Variants in KCNQ1 observed in about 807,000 individuals in gnomAD.
KCNQ1 encodes potassium voltage-gated channel subfamily KQT member 1.
Under a neutral mutation model 72.4 loss-of-function variants are expected in KCNQ1, and 49 were observed. The observed-to-expected ratio is 0.68, with a 90% CI of 0.54 to 0.86. The LOEUF (loss-of-function observed/expected upper bound fraction) is 0.86, where lower values mean the gene tolerates loss of function less well. Among genes scored for constraint, KCNQ1 ranks in the 40% least tolerant of loss-of-function variants. KCNQ1 has a pLI of 0.00. For synonymous variants in KCNQ1, 450 were observed against 412.6 expected (o/e 1.09, Z -1.10); for missense variants, 790 against 945.1 (o/e 0.84, Z 2.15).
In KCNQ1 at chr11:2,678,252, G is replaced by A; in HGVS notation, c.1514+16171G>A. 1 of 398,274 alleles carries A rather than the reference G, an allele frequency of 2.5e-6. No individual in the cohort carries two copies. The allele number at this position is 398,274 out of a possible 1,614,324, so 24.7% of individuals were successfully genotyped here. A position where few individuals can be genotyped will look rare whatever the true frequency, so the allele number is the denominator to read the frequency against. Reference sequence around the variant, plus strand: ...GTTTGAGGTCCTTATCTTAAATTCTGAAATAACCTCTCATCCTGAAATTGT... The same window carrying A: ...GTTTGAGGTCCTTATCTTAAATTCTAAAATAACCTCTCATCCTGAAATTGT... On this transcript the variant is annotated intron_variant, in intron 11 of 15. Coordinates refer to ENST00000155840, the MANE Select transcript of KCNQ1 (RefSeq NM_000218.3). This position sits in a 1 kb window ranked among gnomAD's most constrained non-coding sequence, Gnocchi z 4.9.
rs1232189045 is a variant in KCNQ1, at chr11:2,626,496, CAT to C, written c.1394-35463_1394-35462del. 10 of 398,456 alleles carry C rather than the reference CAT, an allele frequency of 2.5e-5. No individual in the cohort carries two copies. Among genetic ancestry groups the C allele is most frequent in the Admixed American group, 4.4e-5 (1 of 22,696 alleles). 24.7% of individuals were successfully genotyped at this position (398,456 alleles called of 1,614,324 possible). A position where few individuals can be genotyped will look rare whatever the true frequency, so the allele number is the denominator to read the frequency against. ...TCTCTACATCTTTATGTCAATACCACATAGTTTTGATTACTGTAGCTTCGTAA... is the reference window on the plus strand; with the variant it reads ...TCTCTACATCTTTATGTCAATACCACAGTTTTGATTACTGTAGCTTCGTAA... On this transcript the variant is annotated intron_variant, in intron 10 of 15. Coordinates refer to ENST00000155840, the MANE Select transcript of KCNQ1 (RefSeq NM_000218.3). The surrounding 1 kb of genome is among the most constrained non-coding windows in gnomAD (Gnocchi z 4.0).
In KCNQ1 at chr11:2,600,541, C is replaced by T. The variant is rs1387191640; in HGVS notation, c.1393+11687C>T. Among the ~76,000 whole-genome samples the T allele has an allele frequency of 6.6e-6, 1 of 152,206 alleles. No homozygotes were observed. Among genetic ancestry groups the T allele is most frequent in the African/African-American group, 2.4e-5 (1 of 41,446 alleles). On this transcript the variant is annotated intron_variant, in intron 10 of 15. Coordinates refer to ENST00000155840, the MANE Select transcript of KCNQ1 (RefSeq NM_000218.3). The surrounding 1 kb of genome is among the most constrained non-coding windows in gnomAD (Gnocchi z 5.6). ...TACTCCACAGCTCTTTGCCCCTAAACATTTTGCTGTGTATTTCTGAAAAAT... is the reference window on the plus strand; with the variant it reads ...TACTCCACAGCTCTTTGCCCCTAAATATTTTGCTGTGTATTTCTGAAAAAT...
intron 2 of KCNQ1, among the ~76,000 whole-genome samples, chr11:2,570,009 C>T (rs570245264): frequency 1.6e-4 from 24 of 152,326 alleles, no homozygotes; most frequent in Admixed American, 6.5e-5. Flanking sequence ...CTGCCCCTAC[C>T]GCAGGTACAC....
Position 2,848,222 on chromosome 11 carries a change from G to T in KCNQ1, c.*219G>T, listed in dbSNP as rs45477500. 1 of 662,400 alleles carries T rather than the reference G, an allele frequency of 1.5e-6. No homozygotes were observed. Among genetic ancestry groups the T allele is most frequent in the Non-Finnish European group, 2.7e-6 (1 of 365,784 alleles). 41.0% of individuals were successfully genotyped at this position (662,400 alleles called of 1,614,324 possible). ...TGGCCGGTGTGGGGGCCCCGTCTCA[G>T]GTCTGAGTTGTTACCCCAAGCGCCC... On this transcript the variant is annotated 3_prime_UTR_variant, in exon 16 of 16. Transcript: ENST00000155840.
In KCNQ1 at chr11:2,725,284, G is replaced by A. The variant is rs931114307; in HGVS notation, c.1515-43560G>A. On this transcript the variant is annotated intron_variant, in intron 11 of 15. Transcript: ENST00000155840. This position sits in a 1 kb window ranked among gnomAD's most constrained non-coding sequence, Gnocchi z 7.2. ...TGGACTTGTGAAACACTCCAGGGTC[G>A]GGGGCTCAGCCACGGGACCAGCGCT... Among the ~76,000 whole-genome samples the A allele has an allele frequency of 6.6e-6, 1 of 152,208 alleles. No homozygotes were observed. Among genetic ancestry groups the A allele is most frequent in the Non-Finnish European group, 1.5e-5 (1 of 68,034 alleles).
At position 2,815,367 on chromosome 11, in the gene KCNQ1, C is replaced by T. The variant is rs1163179706; in HGVS notation, c.1795-32400C>T. Among the ~76,000 whole-genome samples, 1 of 152,162 alleles carries T rather than the reference C, an allele frequency of 6.6e-6. No individual in the cohort carries two copies. Among genetic ancestry groups the T allele is most frequent in the Non-Finnish European group, 1.5e-5 (1 of 68,018 alleles). ...TTCTGGTGGGGGGCTTGTCAGGGAG[C>T]TCATGGGCACCTCTGGGTTCTAAGA... On this transcript the variant is annotated intron_variant, in intron 15 of 15. Coordinates refer to ENST00000155840, the MANE Select transcript of KCNQ1 (RefSeq NM_000218.3). This position sits in a 1 kb window ranked among gnomAD's most constrained non-coding sequence, Gnocchi z 5.4.
chr11:2,554,997 G>A lies in KCNQ1; in HGVS notation c.478-15631G>A, dbSNP rs780795941. Among the ~76,000 whole-genome samples, 9 of 152,154 alleles carry A rather than the reference G, an allele frequency of 5.9e-5. No homozygotes were observed. The East Asian group carries it at 9.6e-4, about 16-fold the overall frequency. On this transcript the variant is annotated intron_variant, in intron 2 of 15. Transcript: ENST00000155840. ...ACTAGACAGGCCCGTGTGCACACACGCGCTGACACACGTGCACACACACAC... is the reference window on the plus strand; with the variant it reads ...ACTAGACAGGCCCGTGTGCACACACACGCTGACACACGTGCACACACACAC...
At chr11:2,811,968 C>G (rs935288014) in intron 15 of KCNQ1, among the ~76,000 whole-genome samples, 1 of 152,176 alleles carries the variant, frequency 6.6e-6, no homozygotes, top group Non-Finnish European at 1.5e-5. Flanking sequence ...CCAGGCAGAC[C>G]CCACGCCCTG....
chr11:2,716,762 C>T (rs1851099919), intron 11 of KCNQ1, among the ~76,000 whole-genome samples: 1 of 152,224 alleles, frequency 6.6e-6, no homozygotes, highest in African/African-American at 2.4e-5. Flanking sequence ...AACTGGGTGG[C>T]CCGCATTGAA....
At chr11:2,455,093 TCAG>T (rs1286804758) in intron 1 of KCNQ1, among the ~76,000 whole-genome samples, 1 of 147,946 alleles carries the variant, frequency 6.8e-6, no homozygotes, top group East Asian at 1.9e-4. Context: ...TGTACAAAAA[TCAG>T]CAGCTTTTTT....
intron 10 of KCNQ1, chr11:2,656,075 G>A (rs977069016): frequency 5.0e-6 from 2 of 398,642 alleles, no homozygotes; most frequent in South Asian, 2.5e-4. Flanking sequence ...TTGGAGATGG[G>A]CACTTGTCAT....
chr11:2,740,740 A>T (rs1846037451), intron 11 of KCNQ1, among the ~76,000 whole-genome samples: 1 of 152,156 alleles, frequency 6.6e-6, no homozygotes, highest in African/African-American at 2.4e-5. Context: ...CATCCCTTGG[A>T]TCATGGCCCC....
At chr11:2,774,061 C>T (rs1160845772) in intron 12 of KCNQ1, among the ~76,000 whole-genome samples, 1 of 151,420 alleles carries the variant, frequency 6.6e-6, no homozygotes, top group African/African-American at 2.4e-5. Context: ...CATCCCATTT[C>T]ATAGAAGAGA....
At chr11:2,823,238 A>C (rs1053765857) in intron 15 of KCNQ1, among the ~76,000 whole-genome samples, 1 of 152,246 alleles carries the variant, frequency 6.6e-6, no homozygotes, top group Non-Finnish European at 1.5e-5. Flanking sequence ...GCCTCTGAAC[A>C]GATCAGTCTT....
Position 2,572,083 on chromosome 11 carries a change from G to C in KCNQ1, c.754G>C (p.Gly252Arg), listed in dbSNP as rs1257135185. The C allele has an allele frequency of 1.2e-6, 2 of 1,612,564 alleles. No individual in the cohort carries two copies. Among genetic ancestry groups the C allele is most frequent in the African/African-American group, 2.7e-5 (2 of 74,914 alleles). ...CCAGGGAGGCACCTGGAGGCTCCTGGGCTCCGTGGTCTTCATCCACCGCCA... is the reference window on the plus strand; with the variant it reads ...CCAGGGAGGCACCTGGAGGCTCCTGCGCTCCGTGGTCTTCATCCACCGCCA... ...DRQGGTWRLLGSVVFIHRQEL... is the reference protein window; with the variant it reads ...DRQGGTWRLLRSVVFIHRQEL... The change falls in exon 5 of 16, where the codon GGC becomes CGC. Residue 252 changes from glycine (G) to arginine (R), a missense_variant. By Grantham distance (125) the Gly-to-Arg change is moderately radical. Around this residue, in one of 5 missense-constraint regions of KCNQ1, gnomAD observed 133 missense variants for 219.5 expected, o/e 0.61. Transcript: ENST00000155840.
At chr11:2,574,645 G>C (rs1848393246) in intron 6 of KCNQ1, among the ~76,000 whole-genome samples, 1 of 152,194 alleles carries the variant, frequency 6.6e-6, no homozygotes, top group Admixed American at 6.5e-5. Context: ...GCAGGCACGT[G>C]TCCCTGCGAT....
rs1651785092 is a variant in KCNQ1 at position 2,543,059 on chromosome 11, T to G, written c.477+15041T>G. On this transcript the variant is annotated intron_variant, in intron 2 of 15. Coordinates refer to ENST00000155840, the MANE Select transcript of KCNQ1 (RefSeq NM_000218.3). The surrounding 1 kb of genome is among the most constrained non-coding windows in gnomAD (Gnocchi z 5.6). The stretch of plus-strand genomic sequence containing the variant: ...TCCTGCTGTGGTTTTAACTTTCATT[T>G]CCTAAGGACCAGTGATGTTGAATAT... Among the ~76,000 whole-genome samples, 2 of 152,100 alleles carry G rather than the reference T, an allele frequency of 1.3e-5. No homozygotes were observed. Among genetic ancestry groups the G allele is most frequent in the South Asian group, 4.1e-4 (2 of 4,838 alleles).
rs1051485981 is a variant in KCNQ1 at position 2,536,819 on chromosome 11, C to T, written c.477+8801C>T. Among the ~76,000 whole-genome samples the T allele has an allele frequency of 2.0e-5, 3 of 152,058 alleles. No homozygotes were observed. The highest frequency in any genetic ancestry group is 2.1e-4 in the South Asian group (1 of 4,826). Reference sequence around the variant, plus strand: ...GAGGTCGCCCTCTCACAGCTCTGGACGATGGAGGGCCGAGACCCAGGTGTG... The same window carrying T: ...GAGGTCGCCCTCTCACAGCTCTGGATGATGGAGGGCCGAGACCCAGGTGTG... On this transcript the variant is annotated intron_variant, in intron 2 of 15. Coordinates refer to ENST00000155840, the MANE Select transcript of KCNQ1 (RefSeq NM_000218.3). This position sits in a 1 kb window ranked among gnomAD's most constrained non-coding sequence, Gnocchi z 7.4.
rs1846588412 is a variant in KCNQ1 at position 2,477,454 on chromosome 11, G to A, written c.386+31970G>A. ...GCCAGTCATGTTAGTGGCTCAATGG[G>A]CAGGGTGCCCAGGTTAGCTGTGAAC... On this transcript the variant is annotated intron_variant, in intron 1 of 15. Transcript: ENST00000155840. The surrounding 1 kb of genome is among the most constrained non-coding windows in gnomAD (Gnocchi z 5.0). Among the ~76,000 whole-genome samples, 1 of 152,180 alleles carries A rather than the reference G, an allele frequency of 6.6e-6. No individual in the cohort carries two copies. The highest frequency in any genetic ancestry group is 2.1e-4 in the South Asian group (1 of 4,834).
Sources: allele counts gnomAD v4.1 joint callset (sites outside exome capture counted in the v4.1 genomes callset), GRCh38; gene constraint gnomAD v4.1.1; regional missense constraint gnomAD v4.1.1; non-coding constraint Gnocchi (gnomAD v3.1); transcripts MANE v1.5; gene names NCBI Gene and HGNC (gene_info 2026-07-23, HGNC 2026-07-21).